The following CFAP206 variants were observed in gnomAD, a reference collection of about 807,000 sequenced individuals.
CFAP206 encodes the protein cilia and flagella associated protein 206, also known as cilia- and flagella-associated protein 206.
CFAP206 carries 53 observed loss-of-function variants against 65.4 expected under a neutral mutation model. The ratio of observed to expected loss-of-function variants is 0.81; its 90% CI spans 0.65 to 1.02. The LOEUF is 1.02. Among genes scored for constraint, CFAP206 ranks in the 50% least tolerant of loss-of-function variants. The pLI, the probability that CFAP206 is intolerant of heterozygous loss-of-function variation, is 0.00. For missense variants in CFAP206, 663 were observed against 753.2 expected, an observed-to-expected ratio of 0.88 and a Z score of 1.40; for synonymous variants, 250 against 254.4, an observed-to-expected ratio of 0.98 and a Z score of 0.17.
At chr6:87,412,165 G>GT (rs1767745476) in intron 3 of CFAP206, among the ~76,000 whole-genome samples, 1 of 152,200 alleles carries the variant, frequency 6.6e-6, no homozygotes, top group African/African-American at 2.4e-5. Flanking sequence ...AACAACATAT[G>GT]TTATATTCAA....
chr6:87,438,460 CAAAAAAAAA>C (rs757336468), intron 11 of CFAP206, among the ~76,000 whole-genome samples: 3 of 111,020 alleles, frequency 2.7e-5, no homozygotes, highest in African/African-American at 1.0e-4. Flanking sequence ...ACTCTTGTCT[CAAAAAAAAA>C]AAAAAAAAAA....
chr6:87,440,906 T>G (rs1768350647), intron 11 of CFAP206, among the ~76,000 whole-genome samples: 3 of 152,228 alleles, frequency 2.0e-5, no homozygotes, highest in Non-Finnish European at 4.4e-5. Context: ...AAGGTTTGTT[T>G]GTTTTTTCTA....
intron 7 of CFAP206, among the ~76,000 whole-genome samples, chr6:87,423,500 C>T (rs1436676722): frequency 6.6e-6 from 1 of 152,150 alleles, no homozygotes; most frequent in Non-Finnish European, 1.5e-5. Flanking sequence ...CCACCCGCCT[C>T]CGCCTCCCAA....
In CFAP206 at chr6:87,431,081, C is replaced by G. The variant is rs750143246; in HGVS notation, c.1208C>G (p.Pro403Arg). The change falls in exon 10 of 13, where the codon CCA (proline) becomes CGA (arginine). Residue 403 changes from proline (P) to arginine (R), a missense_variant. Transcript: ENST00000369562. Reference protein sequence around the residue: ...ADFRKLEWLFPETTANFDKLL... With the variant: ...ADFRKLEWLFRETTANFDKLL... ...TTCAGAAAACTAGAATGGCTTTTCC[C>G]AGAAACAACAGCAAATTTTGATAAA... 3.1e-6 allele frequency: 5 copies of G among 1,613,856 alleles called. No individual in the cohort carries two copies. In the South Asian group the frequency reaches 5.5e-5, roughly 18 times the overall value.
At chr6:87,455,817 C>T (rs1768630155) in intron 11 of CFAP206, among the ~76,000 whole-genome samples, 1 of 152,094 alleles carries the variant, frequency 6.6e-6, no homozygotes, top group Admixed American at 6.5e-5. Context: ...TGAAGAAATA[C>T]AAAACCTGAA....
intron 5 of CFAP206, 34 bp from the exon 6 acceptor site, chr6:87,416,635 T>G (rs1562243636): frequency 1.3e-6 from 2 of 1,548,108 alleles, no homozygotes; most frequent in Non-Finnish European, 1.7e-6. Flanking sequence ...TCTATCATTT[T>G]GTTTTCCTTT....
intron 11 of CFAP206, among the ~76,000 whole-genome samples, chr6:87,450,758 T>A (rs1343633650): frequency 2.6e-5 from 4 of 152,044 alleles, no homozygotes; most frequent in Non-Finnish European, 4.4e-5. Flanking sequence ...GTACCTTTTT[T>A]AAACATCATA....
In CFAP206 at chr6:87,451,790, T is replaced by C. The variant is rs576928477; in HGVS notation, c.1495-9232T>C. 1.2e-3 allele frequency among the ~76,000 whole-genome samples: 188 copies of C among 151,422 alleles called. 3 individuals carry two copies. The highest frequency in any genetic ancestry group is 0.012 in the Admixed American group (187 of 15,162). ...AGATCTGTCCTGGGCCAGTAAGAAATCCGCTTCCCTGGCGGAGCTTGCAGT... is the reference window on the plus strand; with the variant it reads ...AGATCTGTCCTGGGCCAGTAAGAAACCCGCTTCCCTGGCGGAGCTTGCAGT... On this transcript the variant is annotated intron_variant, in intron 11 of 12. Transcript: ENST00000369562.
chr6:87,412,597 G>T (rs1425973972), intron 3 of CFAP206, among the ~76,000 whole-genome samples: 1 of 152,160 alleles, frequency 6.6e-6, no homozygotes, highest in African/African-American at 2.4e-5. Context: ...TAGAACCAGA[G>T]AAATTTTGTG....
intron 11 of CFAP206, among the ~76,000 whole-genome samples, chr6:87,445,736 T>A (rs928665808): frequency 6.6e-6 from 1 of 152,232 alleles, no homozygotes; most frequent in African/African-American, 2.4e-5. Flanking sequence ...ATAGGATTGC[T>A]GAGTCAAATG....
chr6:87,415,998 AT>A (rs1767824592), intron 5 of CFAP206, 124 bp downstream of exon 5: 3 of 715,786 alleles, frequency 4.2e-6, no homozygotes, highest in Admixed American at 3.6e-5. Context: ...AAAAAAAAAA[AT>A]CAGCACAAAT....
intron 11 of CFAP206, among the ~76,000 whole-genome samples, chr6:87,445,595 C>T (rs1287964253): frequency 6.6e-6 from 1 of 152,128 alleles, no homozygotes; most frequent in Non-Finnish European, 1.5e-5. Context: ...TTTTCTTTAT[C>T]CAGTTAACCA....
Position 87,431,089 on chromosome 6 carries a change from A to G in CFAP206, c.1216A>G (p.Thr406Ala). Reference protein sequence around the residue: ...RKLEWLFPETTANFDKLLIQY... With the variant: ...RKLEWLFPETAANFDKLLIQY... ...ACTAGAATGGCTTTTCCCAGAAACA[A>G]CAGCAAATTTTGATAAACTGTTAAT... Residue 406 changes from threonine (T) to alanine (A), a missense_variant, in exon 10 of 13, where the codon ACA becomes GCA. Physicochemically the swap from Thr to Ala is moderately conservative, Grantham distance 58 (BLOSUM62 0). Coordinates refer to ENST00000369562, the MANE Select transcript of CFAP206 (RefSeq NM_001031743.3). 2 of 1,614,042 alleles carry G rather than the reference A, an allele frequency of 1.2e-6. No homozygotes were observed. Among genetic ancestry groups the G allele is most frequent in the South Asian group, 1.1e-5 (1 of 91,070 alleles).
intron 11 of CFAP206, among the ~76,000 whole-genome samples, chr6:87,447,951 TTTATTA>T (rs71018018): frequency 3.4e-5 from 5 of 146,866 alleles, no homozygotes; most frequent in Non-Finnish European, 7.5e-5. Context: ...CTAGATTTTC[TTTATTA>T]TTATTATTAT....
intron 1 of CFAP206, among the ~76,000 whole-genome samples, chr6:87,409,364 C>T (rs928493072): frequency 1.3e-5 from 2 of 151,994 alleles, no homozygotes; most frequent in Admixed American, 1.3e-4. Context: ...CAGGCGTGTG[C>T]CACCACTCCC....
rs770498418 is a variant in CFAP206, at chr6:87,464,290, A to C, written c.*40A>C. On this transcript the variant is annotated 3_prime_UTR_variant, in exon 13 of 13. Transcript: ENST00000369562. ...TTAAAATAGATGCTACTCAATTATG[A>C]ACAATAGCAAGTACTTAAAGGTATA... is the stretch of plus-strand genomic sequence containing the variant. The C allele has an allele frequency of 2.0e-6, 3 of 1,499,110 alleles. No homozygotes were observed. The highest frequency in any genetic ancestry group is 2.8e-6 in the Non-Finnish European group (3 of 1,089,306). 92.9% of individuals were successfully genotyped at this position (1,499,110 alleles called of 1,614,324 possible).
intron 3 of CFAP206, among the ~76,000 whole-genome samples, chr6:87,412,599 A>T (rs1240683926): frequency 6.6e-6 from 1 of 152,074 alleles, no homozygotes; most frequent in Non-Finnish European, 1.5e-5. Flanking sequence ...GAACCAGAGA[A>T]ATTTTGTGAA....
intron 11 of CFAP206, among the ~76,000 whole-genome samples, chr6:87,458,212 A>G (rs915654936): frequency 6.6e-6 from 1 of 152,110 alleles, no homozygotes; most frequent in Admixed American, 6.5e-5. Context: ...ACCCTAGTAC[A>G]CTGTTGGTGG....
At chr6:87,443,890 C>T (rs9450685) in intron 11 of CFAP206, among the ~76,000 whole-genome samples, 41,682 of 151,938 alleles carry the variant, frequency 0.27, 5,925 homozygotes, top group Admixed American at 0.38. Flanking sequence ...GTTTTCTGTT[C>T]CGGCATTAAT....
Sources: gnomAD v4.1 joint callset for allele counts (sites outside exome capture counted in the v4.1 genomes callset) on GRCh38, gnomAD v4.1.1 for gene constraint, MANE v1.5 for transcripts, NCBI Gene and HGNC (gene_info 2026-07-23, HGNC 2026-07-21) for gene names.